Variants in UGT1A10 observed in about 807,000 individuals in gnomAD.
UGT1A10 encodes the protein UDP glucuronosyltransferase family 1 member A10.
Under a neutral mutation model 45.8 loss-of-function variants are expected in UGT1A10, and 49 were observed. The ratio of observed to expected loss-of-function variants is 1.07; its 90% CI spans 0.85 to 1.36. The LOEUF is 1.36. Among genes scored for constraint, UGT1A10 ranks in the 40% most tolerant of loss-of-function variants. UGT1A10 has a pLI of 0.00. For synonymous variants in UGT1A10, 284 were observed against 249.7 expected (o/e 1.14, Z -1.29); for missense variants, 745 against 668.6 (o/e 1.11, Z -1.26).
intron 1 of UGT1A10, chr2:233,730,115 T>C (rs2077988108): frequency 6.4e-7 from 1 of 1,560,670 alleles, no homozygotes; most frequent in Non-Finnish European, 8.7e-7. Flanking sequence ...CTGCTTCTCC[T>C]TGTCATAATA....
intron 1 of UGT1A10, chr2:233,760,443 G>C (rs773136953): frequency 6.2e-7 from 1 of 1,614,250 alleles, no homozygotes; most frequent in South Asian, 1.1e-5. Flanking sequence ...AGCTGCAGCA[G>C]AGGGGACATG....
In UGT1A10 at chr2:233,682,845, A is replaced by G. The variant is rs2074603483; in HGVS notation, c.855+45468A>G. On this transcript the variant is annotated intron_variant, in intron 1 of 4. Coordinates refer to ENST00000344644, the MANE Select transcript of UGT1A10 (RefSeq NM_019075.4). The stretch of plus-strand genomic sequence containing the variant: ...AGAATAATCTGGCTTTGGAAATTAA[A>G]AGATTTCTTACAGAATCATAATTTA... 4 of 1,543,776 alleles carry G rather than the reference A, an allele frequency of 2.6e-6. No homozygotes were observed. The South Asian group carries it at 3.8e-5, about 15-fold the overall frequency.
chr2:233,666,355 C>A (rs2074075564), intron 1 of UGT1A10, among the ~76,000 whole-genome samples: 1 of 152,292 alleles, frequency 6.6e-6, no homozygotes, highest in South Asian at 2.1e-4. Context: ...TCAGCTATAT[C>A]ATTTGATATG....
chr2:233,669,420 A>G lies in UGT1A10; in HGVS notation c.855+32043A>G, dbSNP rs1415813632. Among the ~76,000 whole-genome samples, 5 of 152,352 alleles carry G rather than the reference A, an allele frequency of 3.3e-5. No individual in the cohort carries two copies. In the East Asian group the frequency reaches 7.7e-4, roughly 24 times the overall value. ...ATCAACTAAGGAAAAATAACATTTT[A>G]ACAATTTTGAGTTTTCTGATTCATG... On this transcript the variant is annotated intron_variant, in intron 1 of 4. Transcript: ENST00000344644.
chr2:233,740,757 T>C (rs1350241076), intron 1 of UGT1A10: 3 of 151,778 alleles, frequency 2.0e-5, no homozygotes, highest in Non-Finnish European at 2.9e-5. Context: ...CTGAAAACCT[T>C]ATCAAACCGT....
rs1694565729 is a variant in UGT1A10, at chr2:233,750,814, C to T, written c.856-16220C>T. 2.0e-5 allele frequency: 3 copies of T among 151,858 alleles called. No individual in the cohort carries two copies. In the South Asian group the frequency reaches 6.2e-4, roughly 31 times the overall value. The allele number at this position is 151,858 out of a possible 1,614,324, so 9.4% of individuals were successfully genotyped here. A position where few individuals can be genotyped will look rare whatever the true frequency, so the allele number is the denominator to read the frequency against. On this transcript the variant is annotated intron_variant, in intron 1 of 4. Coordinates refer to ENST00000344644, the MANE Select transcript of UGT1A10 (RefSeq NM_019075.4). ...ATAAGAATTTAGGTTTGGGAACCTCCACATAAATTTGAGAGGATGTAAGGA... is the reference window on the plus strand; with the variant it reads ...ATAAGAATTTAGGTTTGGGAACCTCTACATAAATTTGAGAGGATGTAAGGA...
Position 233,636,578 on chromosome 2 carries a change from C to A in UGT1A10, c.56C>A (p.Thr19Asn), listed in dbSNP as rs149577515. 4 of 1,614,162 alleles carry A rather than the reference C, an allele frequency of 2.5e-6. No individual in the cohort carries two copies. The highest frequency in any genetic ancestry group is 3.4e-6 in the Non-Finnish European group (4 of 1,180,030). Residue 19 changes from threonine (T) to asparagine (N), a missense_variant, in exon 1 of 5, where the codon ACC becomes AAC. Coordinates refer to ENST00000344644, the MANE Select transcript of UGT1A10 (RefSeq NM_019075.4). ...CCTTTATGTGTGTGTCTACTGCTGA[C>A]CTGTGGCTTTGCCGAGGCAGGGAAG... is the stretch of plus-strand genomic sequence containing the variant. The part of the protein sequence containing the change: ...PVPLCVCLLL[T>N]CGFAEAGKLL...
chr2:233,726,131 A>C (rs190150615), intron 1 of UGT1A10, among the ~76,000 whole-genome samples: 156 of 152,186 alleles, frequency 1.0e-3, no homozygotes, highest in African/African-American at 3.6e-3. Flanking sequence ...ACACCACCTC[A>C]CTCCAGCCCG....
intron 1 of UGT1A10, chr2:233,747,274 A>G: frequency 6.3e-7 from 1 of 1,599,206 alleles, no homozygotes; most frequent in Admixed American, 1.7e-5. Flanking sequence ...ACTCCTTCTC[A>G]GTGCCCAGCC....
At chr2:233,646,428 A>T (rs180989467) in intron 1 of UGT1A10, among the ~76,000 whole-genome samples, 1 of 152,000 alleles carries the variant, frequency 6.6e-6, no homozygotes, top group Admixed American at 6.5e-5. Context: ...TTTCTATCAC[A>T]TTTTCAGGCT....
At position 233,692,517 on chromosome 2, in the gene UGT1A10, C is replaced by T. The variant is rs28899169; in HGVS notation, c.855+55140C>T. ...GACTGAGCCCTTAACCTGTGGGGTC[C>T]GTGCTAACTCAGAATTCAGTTCAGA... On this transcript the variant is annotated intron_variant, in intron 1 of 4. Transcript: ENST00000344644. Among the ~76,000 whole-genome samples the T allele has an allele frequency of 3.8e-3, 571 of 152,144 alleles. 7 individuals carry two copies. Among genetic ancestry groups the T allele is most frequent in the African/African-American group, 0.013 (547 of 41,518 alleles).
chr2:233,716,819 C>A (rs1378965211), intron 1 of UGT1A10, among the ~76,000 whole-genome samples: 1 of 152,146 alleles, frequency 6.6e-6, no homozygotes, highest in Non-Finnish European at 1.5e-5. Flanking sequence ...GCTGGGGTGA[C>A]CTCACTGACA....
rs201474770 is a variant in UGT1A10, at chr2:233,672,063, G to A, written c.855+34686G>A. On this transcript the variant is annotated intron_variant, in intron 1 of 4. Transcript: ENST00000344644. ...GGAGCCACTGGTTCACCATGAGGTC[G>A]GTGGTGGAGAAACTCATTCTCAGGG... 59 of 1,614,124 alleles carry A rather than the reference G, an allele frequency of 3.7e-5. 1 individual carries two copies. The South Asian group carries it at 5.3e-4, about 14-fold the overall frequency.
chr2:233,736,579 A>C (rs2078778332), intron 1 of UGT1A10, among the ~76,000 whole-genome samples: 2 of 152,120 alleles, frequency 1.3e-5, no homozygotes. Flanking sequence ...GATCCTTTGG[A>C]GGAGATGTGC....
chr2:233,656,301 G>A (rs1358992984), intron 1 of UGT1A10, among the ~76,000 whole-genome samples: 2 of 152,182 alleles, frequency 1.3e-5, no homozygotes, highest in South Asian at 2.1e-4. Context: ...CACAGTCTCC[G>A]TAAACTGGCC....
intron 1 of UGT1A10, among the ~76,000 whole-genome samples, chr2:233,720,298 G>A (rs2076845551): frequency 6.6e-6 from 1 of 152,140 alleles, no homozygotes; most frequent in Admixed American, 6.5e-5. Context: ...CAGGAGTTGG[G>A]GGTCTGGTGT....
intron 1 of UGT1A10, among the ~76,000 whole-genome samples, chr2:233,671,053 G>T (rs1320072969): frequency 1.3e-5 from 2 of 152,164 alleles, no homozygotes; most frequent in Admixed American, 6.6e-5. Context: ...CATAGCATGG[G>T]TACTGTGAAA....
intron 1 of UGT1A10, chr2:233,713,576 T>C: frequency 6.2e-7 from 1 of 1,613,998 alleles, no homozygotes; most frequent in African/African-American, 1.3e-5. Context: ...CCTATATTCC[T>C]AGATTACTAA....
intron 1 of UGT1A10, among the ~76,000 whole-genome samples, chr2:233,748,343 G>A (rs192012783): frequency 6.6e-5 from 10 of 151,870 alleles, no homozygotes; most frequent in African/African-American, 1.2e-4. Flanking sequence ...GAGACTGTTC[G>A]TTTGTAAAGG....
Sources: gnomAD v4.1 joint callset for allele counts (sites outside exome capture counted in the v4.1 genomes callset) on GRCh38, gnomAD v4.1.1 for gene constraint, MANE v1.5 for transcripts, NCBI Gene and HGNC (gene_info 2026-07-23, HGNC 2026-07-21) for gene names.